SLC36A4: variants seen among roughly 807,000 people sequenced by gnomAD.
The protein encoded by SLC36A4 is solute carrier family 36 member 4.
SLC36A4 carries 49 observed loss-of-function variants against 50.5 expected under a neutral mutation model. That is an observed-to-expected ratio of 0.97 (90% CI 0.77 to 1.23). SLC36A4 has a LOEUF of 1.23. Ranked by LOEUF, SLC36A4 falls within the 50% of genes most tolerant of loss-of-function variation. SLC36A4 has a pLI of 0.00. For missense variants in SLC36A4, 611 were observed against 608.4 expected (o/e 1.00, Z -0.05); for synonymous variants, 207 against 206.5 (o/e 1.00, Z -0.02).
At position 93,161,827 on chromosome 11, in the gene SLC36A4, G is replaced by A. The variant is rs527623515; in HGVS notation, c.1037+879C>T. 2.0e-4 allele frequency among the ~76,000 whole-genome samples: 31 copies of A among 152,162 alleles called. 1 individual carries two copies. Among genetic ancestry groups the A allele is most frequent in the African/African-American group, 7.5e-4 (31 of 41,494 alleles). ...TGTAAATAAGGAAGTAAGTCTGCAT[G>A]GTAATCACTGCCACTATCTTTGAAA... On this transcript the variant is annotated intron_variant, in intron 9 of 10. Transcript: ENST00000326402.
intron 1 of SLC36A4, among the ~76,000 whole-genome samples, chr11:93,193,228 G>A (rs1862286655): frequency 1.3e-5 from 2 of 152,094 alleles, no homozygotes; most frequent in Non-Finnish European, 2.9e-5. Flanking sequence ...TGTTATATCT[G>A]CCAGAAGGAA....
At chr11:93,156,302 T>C (rs761526411) in intron 9 of SLC36A4, among the ~76,000 whole-genome samples, 3 of 147,764 alleles carry the variant, frequency 2.0e-5, no homozygotes, top group Non-Finnish European at 3.1e-5. Context: ...TATCACACTG[T>C]GGTTTTGATT....
At position 93,148,301 on chromosome 11, in the gene SLC36A4, A is replaced by T. The variant is rs1251816247; in HGVS notation, c.*236T>A. 1 of 326,952 alleles carries T rather than the reference A, an allele frequency of 3.1e-6. No individual in the cohort carries two copies. The highest frequency in any genetic ancestry group is 2.2e-5 in the African/African-American group (1 of 45,532). 20.3% of individuals were successfully genotyped at this position (326,952 alleles called of 1,614,324 possible). A position where few individuals can be genotyped will look rare whatever the true frequency, so the allele number is the denominator to read the frequency against. On this transcript the variant is annotated 3_prime_UTR_variant, in exon 11 of 11. Transcript: ENST00000326402. Reference sequence around the variant, plus strand: ...TATTCTTTAATTTTTTTACATTTTAATTTTTTCAATTTTCAGAACTTAATT... The same window carrying T: ...TATTCTTTAATTTTTTTACATTTTATTTTTTTCAATTTTCAGAACTTAATT...
intron 6 of SLC36A4, among the ~76,000 whole-genome samples, chr11:93,173,426 G>A (rs1374471507): frequency 7.2e-4 from 105 of 146,362 alleles, no homozygotes; most frequent in African/African-American, 2.5e-3. Context: ...AGTTTCTTTT[G>A]CTGTGCAGAA....
In SLC36A4 at chr11:93,184,478, TC is replaced by T; in HGVS notation, c.221del (p.Gly74GlufsTer5). The T allele has an allele frequency of 3.1e-6, 5 of 1,612,084 alleles. No homozygotes were observed. Among genetic ancestry groups the T allele is most frequent in the Non-Finnish European group, 4.2e-6 (5 of 1,178,508 alleles). ...CCAATGGAAGTCCTAAAAGGCCAGT[TC>T]CAATATTTCCTTTAAGAAGGTGCAT... ...TLMHLLKGNI[G>X]TGLLGLPLAI... On this transcript the variant is annotated frameshift_variant, in exon 3 of 11. Coordinates refer to ENST00000326402, the MANE Select transcript of SLC36A4 (RefSeq NM_152313.4). LOFTEE classifies it high-confidence loss of function.
intron 9 of SLC36A4, among the ~76,000 whole-genome samples, chr11:93,161,736 T>C (rs1246452576): frequency 6.6e-6 from 1 of 152,170 alleles, no homozygotes; most frequent in Non-Finnish European, 1.5e-5. Context: ...AGTGTGACAA[T>C]AATTCAATCA....
In SLC36A4 at chr11:93,182,819, A is replaced by G. The variant is rs759062068; in HGVS notation, c.346T>C (p.Phe116Leu). ...CMHILVRCSH[F>L]LCLRFKKSTL... ...ATCCACATTTACCTCAGACATAGAA[A>G]GTGACTGCAACGTACCAATATGTGC... The change falls in exon 4 of 11, where the codon TTT becomes CTT. Residue 116 changes from phenylalanine to leucine, a missense_variant. By Grantham distance (22) the Phe-to-Leu change is conservative (BLOSUM62 0). Coordinates refer to ENST00000326402, the MANE Select transcript of SLC36A4 (RefSeq NM_152313.4). The G allele has an allele frequency of 6.2e-7, 1 of 1,609,508 alleles. No individual in the cohort carries two copies. Among genetic ancestry groups the G allele is most frequent in the Non-Finnish European group, 8.5e-7 (1 of 1,177,548 alleles).
intron 2 of SLC36A4, among the ~76,000 whole-genome samples, chr11:93,185,054 G>A (rs548322304): frequency 3.3e-5 from 5 of 152,154 alleles, no homozygotes; most frequent in African/African-American, 9.6e-5. Flanking sequence ...AGATAAACAC[G>A]AATCAATTTT....
At chr11:93,176,457 T>C (rs1203081346) in intron 6 of SLC36A4, among the ~76,000 whole-genome samples, 1 of 152,144 alleles carries the variant, frequency 6.6e-6, no homozygotes, top group Non-Finnish European at 1.5e-5. Context: ...CATTTAAAGT[T>C]AATATTGTTA....
chr11:93,160,875 C>A, intron 9 of SLC36A4: 2 of 617,932 alleles, frequency 3.2e-6, no homozygotes, highest in Non-Finnish European at 4.0e-6. Flanking sequence ...AAATGTCTCT[C>A]TGTTTCCCAG....
At chr11:93,197,626 G>C in intron 1 of SLC36A4, 152 bp downstream of exon 1, 1 of 807,980 alleles carries the variant, frequency 1.2e-6, no homozygotes, top group Non-Finnish European at 1.9e-6. Flanking sequence ...TCAGATAACC[G>C]GTTCCTTTGC....
intron 1 of SLC36A4, among the ~76,000 whole-genome samples, chr11:93,195,857 C>A (rs1301973764): frequency 2.0e-5 from 3 of 152,174 alleles, no homozygotes; most frequent in African/African-American, 7.2e-5. Context: ...CCCATCCCAA[C>A]CATTTTATAA....
At position 93,148,393 on chromosome 11, in the gene SLC36A4, TATG is replaced by T; in HGVS notation, c.*141_*143del. ...AGGTTTACCACTACTGGTAAAGAGT[TATG>T]ATTACTTCCAAAATATTAATATCGT... is the stretch of plus-strand genomic sequence containing the variant. On this transcript the variant is annotated 3_prime_UTR_variant, in exon 11 of 11. Coordinates refer to ENST00000326402, the MANE Select transcript of SLC36A4 (RefSeq NM_152313.4). 2.6e-6 allele frequency: 2 copies of T among 763,808 alleles called. No homozygotes were observed. The highest frequency in any genetic ancestry group is 3.6e-5 in the South Asian group (2 of 54,874). The allele number at this position is 763,808 out of a possible 1,614,324, so 47.3% of individuals were successfully genotyped here. A position where few individuals can be genotyped will look rare whatever the true frequency, so the allele number is the denominator to read the frequency against.
chr11:93,163,022 T>C (rs1013925809), intron 8 of SLC36A4, 147 bp from the exon 9 acceptor site: 13 of 600,422 alleles, frequency 2.2e-5, no homozygotes, highest in Non-Finnish European at 1.1e-5. Flanking sequence ...TACACTTCCA[T>C]TGCTATATAT....
intron 9 of SLC36A4, 194 bp from the exon 10 acceptor site, chr11:93,154,471 T>A (rs1035776323): frequency 9.3e-6 from 3 of 323,990 alleles, no homozygotes; most frequent in Non-Finnish European, 1.7e-5. Context: ...GAACAATTCA[T>A]TTTCACAAGA....
At chr11:93,151,212 A>G (rs1860072690) in intron 10 of SLC36A4, among the ~76,000 whole-genome samples, 1 of 152,104 alleles carries the variant, frequency 6.6e-6, no homozygotes, top group African/African-American at 2.4e-5. Flanking sequence ...TAAAAACTCA[A>G]AGCAGAGTTT....
chr11:93,197,698 T>G (rs922783749), intron 1 of SLC36A4, 80 bp downstream of exon 1: 1 of 1,461,764 alleles, frequency 6.8e-7, no homozygotes, highest in Admixed American at 1.9e-5. Context: ...GCGGGGCCCC[T>G]GGAGGTGTGG....
chr11:93,172,698 TG>T (rs1182827316), intron 6 of SLC36A4, among the ~76,000 whole-genome samples: 1 of 141,150 alleles, frequency 7.1e-6, no homozygotes, highest in Non-Finnish European at 1.5e-5. Flanking sequence ...ATGCGGTGTT[TG>T]GTTTTTTGTT....
chr11:93,195,488 A>G (rs1862380565), intron 1 of SLC36A4, among the ~76,000 whole-genome samples: 1 of 152,134 alleles, frequency 6.6e-6, no homozygotes, highest in Non-Finnish European at 1.5e-5. Flanking sequence ...AAGGACACCC[A>G]TATCTTTCCT....
Sources: gnomAD v4.1 joint callset for allele counts (sites outside exome capture counted in the v4.1 genomes callset) on GRCh38, gnomAD v4.1.1 for gene constraint, MANE v1.5 for transcripts, NCBI Gene and HGNC (gene_info 2026-07-23, HGNC 2026-07-21) for gene names.